SLFN5: variants seen among roughly 807,000 people sequenced by gnomAD.
SLFN5 encodes schlafen family member 5.
SLFN5 carries 34 observed loss-of-function variants against 48.5 expected under a neutral mutation model. That is an observed-to-expected ratio of 0.70 (90% confidence interval 0.53 to 0.93). SLFN5 has a LOEUF of 0.93. Among genes scored for constraint, SLFN5 ranks in the 40% least tolerant of loss-of-function variants. SLFN5 has a pLI of 0.00. For missense variants in SLFN5, 1,006 were observed against 1,071.3 expected (o/e 0.94, Z 0.85); for synonymous variants, 387 against 396.2 (o/e 0.98, Z 0.28).
Position 35,265,845 on chromosome 17 carries a change from C to G in SLFN5, c.2633C>G (p.Ser878Cys). The change falls in exon 5 of 5, where the codon TCT becomes TGT. Residue 878 changes from serine (S) to cysteine (C), a missense_variant. Physicochemically the swap from Ser to Cys is moderately radical, Grantham distance 112 (BLOSUM62 -1). Transcript: ENST00000299977. The part of the protein sequence containing the change: ...GAYNLLLCLA[S>C]RAKRHLYILK... Reference sequence around the variant, plus strand: ...TACAATCTTCTGCTCTGTTTGGCTTCTAGGGCAAAAAGACATCTGTATATT... The same window carrying G: ...TACAATCTTCTGCTCTGTTTGGCTTGTAGGGCAAAAAGACATCTGTATATT... The G allele has an allele frequency of 1.2e-6, 2 of 1,609,906 alleles. No homozygotes were observed. Among genetic ancestry groups the G allele is most frequent in the Middle Eastern group, 1.7e-4 (1 of 6,018 alleles).
At position 35,259,524 on chromosome 17, in the gene SLFN5, T is replaced by G. The variant is rs771586590; in HGVS notation, c.834T>G (p.Leu278=). 1.2e-5 allele frequency: 19 copies of G among 1,614,204 alleles called. No homozygotes were observed. Among genetic ancestry groups the G allele is most frequent in the Non-Finnish European group, 1.6e-5 (19 of 1,180,046 alleles). The part of the protein sequence containing the change: ...CTQRPEIKYV[L]NFLEVHDKGA... Reference sequence around the variant, plus strand: ...AGAGGCCTGAGATAAAATATGTCCTTAACTTCCTTGAAGTGCATGATAAGG... The same window carrying G: ...AGAGGCCTGAGATAAAATATGTCCTGAACTTCCTTGAAGTGCATGATAAGG... The change falls in exon 2 of 5, where the codon CTT becomes CTG. Residue 278 remains leucine, a synonymous_variant. Transcript: ENST00000299977.
At chr17:35,262,971 G>A (rs746426346) in intron 3 of SLFN5, among the ~76,000 whole-genome samples, 1 of 152,136 alleles carries the variant, frequency 6.6e-6, no homozygotes, top group Non-Finnish European at 1.5e-5. Context: ...GTGCTTTACA[G>A]AATGTCAGGT....
At position 35,265,729 on chromosome 17, in the gene SLFN5, C is replaced by CA; in HGVS notation, c.2518dup (p.Ile840AsnfsTer40). Reference sequence around the variant, plus strand: ...ATGCGTCGGATGTTCTAACCGATCACATTGTGTTGGACAGTGTCTGTCGAT... The same window carrying CA: ...ATGCGTCGGATGTTCTAACCGATCACAATTGTGTTGGACAGTGTCTGTCGAT... On this transcript the variant is annotated frameshift_variant, in exon 5 of 5. Transcript: ENST00000299977. LOFTEE classifies it low-confidence loss of function (END_TRUNC). 1 of 1,614,172 alleles carries CA rather than the reference C, an allele frequency of 6.2e-7. No individual in the cohort carries two copies. The highest frequency in any genetic ancestry group is 1.1e-5 in the South Asian group (1 of 91,086).
At position 35,267,302 on chromosome 17, in the gene SLFN5, G is replaced by C. The variant is rs1011514609; in HGVS notation, c.*1414G>C. 1 of 152,120 alleles carries C rather than the reference G, an allele frequency of 6.6e-6. No individual in the cohort carries two copies. Among genetic ancestry groups the C allele is most frequent in the Non-Finnish European group, 1.5e-5 (1 of 68,032 alleles). The allele number at this position is 152,120 out of a possible 1,614,324, so 9.4% of individuals were successfully genotyped here. ...ATATGTAAAAGAATGTGCAAAATTAGTAAAAATATACCCAAAAATTTACCA... is the reference window on the plus strand; with the variant it reads ...ATATGTAAAAGAATGTGCAAAATTACTAAAAATATACCCAAAAATTTACCA... On this transcript the variant is annotated 3_prime_UTR_variant, in exon 5 of 5. Coordinates refer to ENST00000299977, the MANE Select transcript of SLFN5 (RefSeq NM_144975.4).
intron 1 of SLFN5, among the ~76,000 whole-genome samples, chr17:35,257,940 C>T (rs561871659): frequency 2.3e-4 from 35 of 152,308 alleles, no homozygotes; most frequent in African/African-American, 7.5e-4. Context: ...CTTCTGACCA[C>T]GAAAGCTTTC....
Position 35,266,942 on chromosome 17 carries a change from CAG to C in SLFN5, c.*1057_*1058del, listed in dbSNP as rs1904715626. On this transcript the variant is annotated 3_prime_UTR_variant, in exon 5 of 5. Coordinates refer to ENST00000299977, the MANE Select transcript of SLFN5 (RefSeq NM_144975.4). The stretch of plus-strand genomic sequence containing the variant: ...TCTGAGAGACAGAAACTAAAAAATT[CAG>C]AGTTAATTCACTATTAAAAACAGCA... 1 of 152,134 alleles carries C rather than the reference CAG, an allele frequency of 6.6e-6. No homozygotes were observed. Among genetic ancestry groups the C allele is most frequent in the South Asian group, 2.1e-4 (1 of 4,830 alleles). The allele number at this position is 152,134 out of a possible 1,614,324, so 9.4% of individuals were successfully genotyped here.
At chr17:35,264,944 C>T (rs1904631606) in intron 4 of SLFN5, 41 bp downstream of exon 4, 1 of 1,537,596 alleles carries the variant, frequency 6.5e-7, no homozygotes, top group Admixed American at 2.2e-5. Flanking sequence ...TCTTGAGTGA[C>T]TGTGGCTGGT....
rs555534830 is a variant in SLFN5, at chr17:35,258,902, G to T, written c.212G>T (p.Arg71Leu). ...GAGAACAAAGGCTACAATTATGAACGTCATGGAGTAGGATTGGATGTGCCT... is the reference window on the plus strand; with the variant it reads ...GAGAACAAAGGCTACAATTATGAACTTCATGGAGTAGGATTGGATGTGCCT... ...EIENKGYNYE[R>L]HGVGLDVPPI... The change falls in exon 2 of 5, where the codon CGT (arginine) becomes CTT (leucine). Residue 71 changes from arginine (R) to leucine (L), a missense_variant. Physicochemically the swap from Arg to Leu is moderately radical, Grantham distance 102. Transcript: ENST00000299977. 1 of 1,614,206 alleles carries T rather than the reference G, an allele frequency of 6.2e-7. No homozygotes were observed. The highest frequency in any genetic ancestry group is 1.7e-5 in the Admixed American group (1 of 60,034).
At chr17:35,262,185 C>G (rs193178420) in intron 3 of SLFN5, among the ~76,000 whole-genome samples, 48 of 151,984 alleles carry the variant, frequency 3.2e-4, no homozygotes, top group African/African-American at 9.6e-4. Context: ...TCGAGACCAT[C>G]CTGGCTAACA....
At chr17:35,253,114 A>T (rs766516459) in intron 1 of SLFN5, among the ~76,000 whole-genome samples, 45 of 152,006 alleles carry the variant, frequency 3.0e-4, no homozygotes, top group Non-Finnish European at 5.4e-4. Context: ...GAGGGCCCTC[A>T]TAGATGGTGC....
intron 1 of SLFN5, among the ~76,000 whole-genome samples, chr17:35,244,936 T>C (rs142247334): frequency 4.1e-4 from 62 of 152,302 alleles, no homozygotes; most frequent in Non-Finnish European, 8.5e-4. Context: ...AGCAGTTTTA[T>C]TATTTCCATG....
rs767059587 is a variant in SLFN5 at position 35,264,364 on chromosome 17, TG to T, written c.1321del (p.Ala441LeufsTer3). On this transcript the variant is annotated frameshift_variant, in exon 4 of 5. Transcript: ENST00000299977. LOFTEE classifies it high-confidence loss of function. ...LQEKQGVICD[A>X]LLISQNNTPI... ...AAGAGAAGCAGGGAGTCATCTGTGATGCTCTTCTAATTTCCCAGAACAACAC... is the reference window on the plus strand; with the variant it reads ...AAGAGAAGCAGGGAGTCATCTGTGATCTCTTCTAATTTCCCAGAACAACAC... The T allele has an allele frequency of 6.2e-7, 1 of 1,614,222 alleles. No individual in the cohort carries two copies. Among genetic ancestry groups the T allele is most frequent in the Non-Finnish European group, 8.5e-7 (1 of 1,180,042 alleles).
At chr17:35,250,552 C>T (rs34052403) in intron 1 of SLFN5, among the ~76,000 whole-genome samples, 67,299 of 151,218 alleles carry the variant, frequency 0.45, 17,414 homozygotes, top group Non-Finnish European at 0.59. Context: ...CCCAGCTACT[C>T]GGGAGGCTGA....
intron 1 of SLFN5, among the ~76,000 whole-genome samples, chr17:35,252,663 T>A (rs1286905223): frequency 6.6e-6 from 1 of 152,124 alleles, no homozygotes. Context: ...TTGTGTAACA[T>A]CTTAGATTTT....
At position 35,258,891 on chromosome 17, in the gene SLFN5, C is replaced by T; in HGVS notation, c.201C>T (p.Tyr67=). 4 of 1,614,164 alleles carry T rather than the reference C, an allele frequency of 2.5e-6. No homozygotes were observed. Among genetic ancestry groups the T allele is most frequent in the East Asian group, 2.2e-5 (1 of 44,886 alleles). ...AGGCTGAGATTGAGAACAAAGGCTA[C>T]AATTATGAACGTCATGGAGTAGGAT... ...IIKAEIENKG[Y]NYERHGVGLD... Residue 67 remains tyrosine, a synonymous_variant, in exon 2 of 5, where the codon TAC becomes TAT. Transcript: ENST00000299977.
Position 35,272,862 on chromosome 17 carries a change from T to C in SLFN5, c.*6974T>C, listed in dbSNP as rs1265282447. The C allele has an allele frequency of 6.6e-6, 1 of 152,238 alleles. No homozygotes were observed. Among genetic ancestry groups the C allele is most frequent in the Non-Finnish European group, 1.5e-5 (1 of 68,034 alleles). The allele number at this position is 152,238 out of a possible 1,614,324, so 9.4% of individuals were successfully genotyped here. A position where few individuals can be genotyped will look rare whatever the true frequency, so the allele number is the denominator to read the frequency against. On this transcript the variant is annotated 3_prime_UTR_variant, in exon 5 of 5. Coordinates refer to ENST00000299977, the MANE Select transcript of SLFN5 (RefSeq NM_144975.4). ...TAAGGGGGAAAGCACTTCCATGCAT[T>C]GCTGTAAATTGGTACATCTTCTACT...
chr17:35,258,795 G>A lies in SLFN5; in HGVS notation c.105G>A (p.Leu35=). The change falls in exon 2 of 5, where the codon CTG becomes CTA. Residue 35 remains leucine (L), a synonymous_variant. Coordinates refer to ENST00000299977, the MANE Select transcript of SLFN5 (RefSeq NM_144975.4). ...TQQRQEMDPR[L]REKQNEIILR... ...AGAGGCAGGAGATGGACCCTCGCCT[G>A]CGGGAGAAACAGAATGAAATCATCC... 1 of 1,614,168 alleles carries A rather than the reference G, an allele frequency of 6.2e-7. No individual in the cohort carries two copies. The highest frequency in any genetic ancestry group is 8.5e-7 in the Non-Finnish European group (1 of 1,180,030).
intron 3 of SLFN5, among the ~76,000 whole-genome samples, chr17:35,262,949 G>C (rs1904564444): frequency 6.6e-6 from 1 of 152,064 alleles, no homozygotes; most frequent in Non-Finnish European, 1.5e-5. Context: ...TCTGTTGCCT[G>C]TACCTATAGT....
At chr17:35,262,005 A>G (rs1271932594) in intron 3 of SLFN5, among the ~76,000 whole-genome samples, 5 of 151,788 alleles carry the variant, frequency 3.3e-5, no homozygotes, top group Admixed American at 3.3e-4. Context: ...GGACTTTTAT[A>G]TGACGTCTAA....
Sources: gnomAD v4.1 joint callset for allele counts (sites outside exome capture counted in the v4.1 genomes callset) on GRCh38, gnomAD v4.1.1 for gene constraint, MANE v1.5 for transcripts, NCBI Gene and HGNC (gene_info 2026-07-23, HGNC 2026-07-21) for gene names.